NKAIN2: variants seen among roughly 807,000 people sequenced by gnomAD.
NKAIN2 encodes sodium/potassium transporting ATPase interacting 2.
NKAIN2 carries 14 observed loss-of-function variants against 32.6 expected under a neutral mutation model. That is an observed-to-expected ratio of 0.43 (90% CI 0.28 to 0.67). The LOEUF (loss-of-function observed/expected upper bound fraction) is 0.67, where lower values mean the gene tolerates loss of function less well. NKAIN2 is among the 30% of genes least tolerant of loss of function. NKAIN2 has a pLI of 0.17. For missense variants in NKAIN2, 198 were observed against 258.3 expected, an observed-to-expected ratio of 0.77 and a Z score of 1.60; for synonymous variants, 80 against 87.2, an observed-to-expected ratio of 0.92 and a Z score of 0.46.
intron 3 of NKAIN2, among the ~76,000 whole-genome samples, chr6:124,608,652 G>T (rs1419274262): frequency 6.6e-6 from 1 of 152,130 alleles, no homozygotes; most frequent in Non-Finnish European, 1.5e-5. Flanking sequence ...CTCAAATATT[G>T]ATGTGGAAAC....
At chr6:124,165,518 A>G (rs1788487174) in intron 1 of NKAIN2, among the ~76,000 whole-genome samples, 2 of 151,698 alleles carry the variant, frequency 1.3e-5, no homozygotes. Flanking sequence ...TTTTTATTTT[A>G]TTTTATTATT....
intron 2 of NKAIN2, among the ~76,000 whole-genome samples, chr6:124,288,696 CATTATA>C (rs1333918457): frequency 1.3e-5 from 2 of 151,944 alleles, no homozygotes; most frequent in African/African-American, 4.8e-5. Context: ...ATCTAATATC[CATTATA>C]ATTATATGTT....
intron 5 of NKAIN2, among the ~76,000 whole-genome samples, chr6:124,802,169 G>T (rs903335698): frequency 2.6e-5 from 4 of 152,120 alleles, no homozygotes; most frequent in African/African-American, 9.7e-5. Flanking sequence ...TTCTCTAATA[G>T]GTAATTACAG....
At chr6:124,742,396 A>G (rs1777257231) in intron 4 of NKAIN2, among the ~76,000 whole-genome samples, 2 of 151,694 alleles carry the variant, frequency 1.3e-5, no homozygotes, top group Admixed American at 6.6e-5. Flanking sequence ...GCCAATGGAC[A>G]TAGAAGCTCT....
intron 4 of NKAIN2, among the ~76,000 whole-genome samples, chr6:124,771,084 A>G (rs967575760): frequency 6.6e-5 from 10 of 152,168 alleles, no homozygotes; most frequent in Admixed American, 2.6e-4. Context: ...TTCCATGAGT[A>G]TCTTGACTAG....
chr6:124,311,943 T>C (rs927716670), intron 2 of NKAIN2, among the ~76,000 whole-genome samples: 5 of 152,126 alleles, frequency 3.3e-5, no homozygotes, highest in Non-Finnish European at 5.9e-5. Context: ...CAATAACTAC[T>C]AGTAAGTAGT....
intron 4 of NKAIN2, among the ~76,000 whole-genome samples, chr6:124,666,202 C>T (rs1772787398): frequency 6.6e-6 from 1 of 152,014 alleles, no homozygotes; most frequent in African/African-American, 2.4e-5. Flanking sequence ...TTTTCTGTAA[C>T]ATCAGAATAG....
At chr6:124,170,438 A>G (rs1412294355) in intron 1 of NKAIN2, among the ~76,000 whole-genome samples, 1 of 152,220 alleles carries the variant, frequency 6.6e-6, no homozygotes, top group Non-Finnish European at 1.5e-5. Context: ...TCTGCTAAAT[A>G]GAAAGTATGC....
chr6:124,589,078 CCAGAAAAG>C (rs1206046090), intron 3 of NKAIN2, among the ~76,000 whole-genome samples: 5 of 151,968 alleles, frequency 3.3e-5, no homozygotes, highest in Non-Finnish European at 7.4e-5. Flanking sequence ...AGCTTATGAA[CCAGAAAAG>C]TATATACTTA....
Position 124,400,129 on chromosome 6 carries a change from A to T in NKAIN2, c.273+44782A>T, listed in dbSNP as rs1237740731. 2.6e-5 allele frequency among the ~76,000 whole-genome samples: 4 copies of T among 152,314 alleles called. No individual in the cohort carries two copies. The East Asian group carries it at 7.7e-4, about 29-fold the overall frequency. ...TATGCATACTTCTGAGGGTGCCATC[A>T]GACAGGTCAGTGGTTCTCAAATCTG... On this transcript the variant is annotated intron_variant, in intron 3 of 6. Transcript: ENST00000368417.
intron 3 of NKAIN2, among the ~76,000 whole-genome samples, chr6:124,463,340 C>T (rs541125924): frequency 6.6e-6 from 1 of 152,054 alleles, no homozygotes; most frequent in South Asian, 2.1e-4. Flanking sequence ...TACATATGCA[C>T]GTTTTACTGT....
chr6:124,488,370 A>G (rs1475067168), intron 3 of NKAIN2, among the ~76,000 whole-genome samples: 2 of 152,008 alleles, frequency 1.3e-5, no homozygotes, highest in African/African-American at 4.8e-5. Flanking sequence ...AGGTATTTGT[A>G]CTTTGTTTCT....
chr6:123,999,088 G>C (rs944698621), intron 1 of NKAIN2, among the ~76,000 whole-genome samples: 2 of 151,478 alleles, frequency 1.3e-5, no homozygotes, highest in African/African-American at 4.8e-5. Context: ...TACATGCATA[G>C]AAATGAAACT....
chr6:124,474,964 CGT>C (rs1253423315), intron 3 of NKAIN2, among the ~76,000 whole-genome samples: 2 of 147,198 alleles, frequency 1.4e-5, no homozygotes, highest in Admixed American at 6.9e-5. Flanking sequence ...ATATATATAA[CGT>C]ATAGACACGC....
At chr6:124,006,146 G>A (rs1180908557) in intron 1 of NKAIN2, among the ~76,000 whole-genome samples, 2 of 152,204 alleles carry the variant, frequency 1.3e-5, no homozygotes, top group Non-Finnish European at 2.9e-5. Context: ...CAGGAGAGGA[G>A]CGATGGTTGA....
chr6:124,042,329 A>T (rs1247625202), intron 1 of NKAIN2, among the ~76,000 whole-genome samples: 1 of 152,058 alleles, frequency 6.6e-6, no homozygotes, highest in Non-Finnish European at 1.5e-5. Flanking sequence ...GGCCCTTGTC[A>T]GTGGTACTTA....
intron 3 of NKAIN2, among the ~76,000 whole-genome samples, chr6:124,647,131 AG>A (rs1159344689): frequency 6.6e-6 from 1 of 152,082 alleles, no homozygotes; most frequent in Non-Finnish European, 1.5e-5. Flanking sequence ...GTAAAAAAAA[AG>A]TCACGTGAAC....
At chr6:124,497,848 C>CA (rs1490713009) in intron 3 of NKAIN2, among the ~76,000 whole-genome samples, 1 of 98,068 alleles carries the variant, frequency 1.0e-5, no homozygotes, top group Non-Finnish European at 2.1e-5. Context: ...AAAAAAAAGA[C>CA]AAAAAGATTT....
intron 1 of NKAIN2, among the ~76,000 whole-genome samples, chr6:124,129,403 A>G (rs909581332): frequency 6.6e-6 from 1 of 152,222 alleles, no homozygotes; most frequent in Non-Finnish European, 1.5e-5. Context: ...CTACAAAGCT[A>G]TGGAGACCAC....
Sources: allele counts gnomAD v4.1 joint callset (sites outside exome capture counted in the v4.1 genomes callset), GRCh38; gene constraint gnomAD v4.1.1; transcripts MANE v1.5; gene names NCBI Gene and HGNC (gene_info 2026-07-23, HGNC 2026-07-21).